The following CTNNA2 variants were observed in gnomAD, a reference collection of about 807,000 sequenced individuals.
CTNNA2 encodes the protein catenin alpha-2.
Under a neutral mutation model 101.0 loss-of-function variants are expected in CTNNA2, and 42 were observed. The observed-to-expected ratio is 0.42, with a 90% CI of 0.32 to 0.54. The LOEUF is 0.54. Ranked by LOEUF, CTNNA2 falls within the 20% of genes least tolerant of loss-of-function variation. CTNNA2 has a pLI of 0.14. For synonymous variants in CTNNA2, 450 were observed against 456.4 expected (o/e 0.99, Z 0.18); for missense variants, 871 against 1,223.1 (o/e 0.71, Z 4.29).
intron 6 of CTNNA2, among the ~76,000 whole-genome samples, chr2:79,892,654 GAGAC>G (rs1684393467): frequency 6.6e-6 from 1 of 152,300 alleles, no homozygotes; most frequent in Admixed American, 6.5e-5. Flanking sequence ...GGCAGACAAA[GAGAC>G]AGACAGAGAT....
intron 3 of CTNNA2, among the ~76,000 whole-genome samples, chr2:79,840,124 T>C (rs1558569701): frequency 6.6e-6 from 1 of 152,382 alleles, no homozygotes; most frequent in East Asian, 1.9e-4. Context: ...TAAGTTATCA[T>C]TATCAATTAT....
chr2:79,437,007 G>A (rs1202114644), intron 4 of CTNNA2, among the ~76,000 whole-genome samples: 2 of 152,026 alleles, frequency 1.3e-5, no homozygotes, highest in Admixed American at 1.3e-4. Flanking sequence ...GCTGAGGTGG[G>A]CAGATCACCT....
intron 7 of CTNNA2, among the ~76,000 whole-genome samples, chr2:79,976,584 T>C (rs1690857347): frequency 6.6e-6 from 1 of 152,228 alleles, no homozygotes; most frequent in Admixed American, 6.5e-5. Context: ...ACATTTAAGA[T>C]TTTGAAAGAA....
intron 2 of CTNNA2, among the ~76,000 whole-genome samples, chr2:79,249,917 G>A (rs1674748268): frequency 6.6e-6 from 1 of 152,078 alleles, no homozygotes; most frequent in African/African-American, 2.4e-5. Context: ...TCCCCATCCT[G>A]GGTCTTCTGA....
chr2:79,511,311 T>C (rs1375986892), upstream of CTNNA2, among the ~76,000 whole-genome samples: 1 of 152,194 alleles, frequency 6.6e-6, no homozygotes, highest in Admixed American at 6.5e-5. Flanking sequence ...TAAATCTTAT[T>C]CATGCTTCAA....
chr2:79,432,785 C>T (rs534638874), intron 4 of CTNNA2, among the ~76,000 whole-genome samples: 1 of 152,344 alleles, frequency 6.6e-6, no homozygotes, highest in African/African-American at 2.4e-5. Context: ...TCAATTTTAT[C>T]AAAGGCCAGC....
rs1685082353 is a variant in CTNNA2 at position 79,901,769 on chromosome 2, A to G, written c.853-7825A>G. On this transcript the variant is annotated intron_variant, in intron 6 of 18. Transcript: ENST00000402739. ...GTGCACTAAAAGTCTTTGAAACATA[A>G]TCTGTGGGTAAAACCATTGAATTAG... is the stretch of plus-strand genomic sequence containing the variant. Among the ~76,000 whole-genome samples, 3 of 152,182 alleles carry G rather than the reference A, an allele frequency of 2.0e-5. No homozygotes were observed. In the South Asian group the frequency reaches 6.2e-4, roughly 31 times the overall value.
intron 7 of CTNNA2, among the ~76,000 whole-genome samples, chr2:80,169,389 A>G (rs772624888): frequency 5.3e-5 from 8 of 152,252 alleles, no homozygotes; most frequent in Non-Finnish European, 1.2e-4. Flanking sequence ...AAATCCAATC[A>G]GAATCTGGCC....
intron 7 of CTNNA2, among the ~76,000 whole-genome samples, chr2:80,374,290 C>T (rs972838470): frequency 1.3e-5 from 2 of 152,074 alleles, no homozygotes; most frequent in East Asian, 3.9e-4. Flanking sequence ...TTAACTCTCA[C>T]TTATAAGTGA....
intron 7 of CTNNA2, chr2:80,305,443 C>G: frequency 4.4e-6 from 4 of 914,338 alleles, no homozygotes; most frequent in Non-Finnish European, 5.2e-6. Flanking sequence ...ATGGGGAGGG[C>G]TTACCCTGAC....
chr2:79,702,537 C>G (rs1210463798), intron 2 of CTNNA2, among the ~76,000 whole-genome samples: 1 of 152,146 alleles, frequency 6.6e-6, no homozygotes, highest in African/African-American at 2.4e-5. Context: ...CTATAGTTCA[C>G]ATTGAGAGAT....
At chr2:79,215,179 C>A (rs963810668) in intron 2 of CTNNA2, among the ~76,000 whole-genome samples, 2 of 152,086 alleles carry the variant, frequency 1.3e-5, no homozygotes, top group African/African-American at 4.8e-5. Context: ...TTGAACAGTC[C>A]GATTTTCAGT....
At chr2:79,966,477 C>A (rs1227550943) in intron 7 of CTNNA2, among the ~76,000 whole-genome samples, 1 of 152,164 alleles carries the variant, frequency 6.6e-6, no homozygotes. Flanking sequence ...CTCCATTGAT[C>A]CTCCCGCCTT....
chr2:80,163,058 A>G, intron 7 of CTNNA2: 1 of 1,566,306 alleles, frequency 6.4e-7, no homozygotes, highest in Non-Finnish European at 8.8e-7. Context: ...TTGCATAAGG[A>G]ACAGATACTT....
chr2:80,614,937 A>G (rs1698731030), intron 17 of CTNNA2, among the ~76,000 whole-genome samples: 1 of 151,390 alleles, frequency 6.6e-6, no homozygotes, highest in African/African-American at 2.4e-5. Flanking sequence ...GCTCTAGTCA[A>G]GAAACAGATT....
rs182300603 is a variant in CTNNA2, at chr2:79,938,851, G to A, written c.1056+29054G>A. 1.1e-4 allele frequency among the ~76,000 whole-genome samples: 17 copies of A among 152,280 alleles called. 1 individual carries two copies. Among genetic ancestry groups the A allele is most frequent in the Admixed American group, 1.1e-3 (17 of 15,294 alleles). Reference sequence around the variant, plus strand: ...AATTAGATTTTAATTGGGTTTTAAAGCTAAGATGAATAGGTAGATAAGGTA... The same window carrying A: ...AATTAGATTTTAATTGGGTTTTAAAACTAAGATGAATAGGTAGATAAGGTA... On this transcript the variant is annotated intron_variant, in intron 7 of 18. Coordinates refer to ENST00000402739, the MANE Select transcript of CTNNA2 (RefSeq NM_001282597.3).
chr2:80,011,659 T>C (rs913744681), intron 7 of CTNNA2, among the ~76,000 whole-genome samples: 18 of 152,222 alleles, frequency 1.2e-4, no homozygotes, highest in African/African-American at 4.1e-4. Context: ...TGTTGTTTGT[T>C]TTGTTTTAAA....
At chr2:80,256,644 C>T (rs1672179877) in intron 7 of CTNNA2, among the ~76,000 whole-genome samples, 2 of 152,126 alleles carry the variant, frequency 1.3e-5, no homozygotes, top group African/African-American at 4.8e-5. Flanking sequence ...ATCCAGCCTT[C>T]CACTTGAACA....
At chr2:79,855,186 G>GTC (rs146110400) in intron 3 of CTNNA2, among the ~76,000 whole-genome samples, 55 of 151,338 alleles carry the variant, frequency 3.6e-4, no homozygotes, top group Non-Finnish European at 5.5e-4. Flanking sequence ...TCTAATGTGG[G>GTC]TCTCTCTCTC....
Sources: allele counts gnomAD v4.1 joint callset (sites outside exome capture counted in the v4.1 genomes callset), GRCh38; gene constraint gnomAD v4.1.1; transcripts MANE v1.5; gene names NCBI Gene and HGNC (gene_info 2026-07-23, HGNC 2026-07-21).